C12orf75: variants seen among roughly 807,000 people sequenced by gnomAD.
C12orf75 encodes overexpressed in colon carcinoma 1 protein.
A neutral mutation model predicts 11.4 loss-of-function variants in C12orf75; 4 were observed. The ratio of observed to expected loss-of-function variants is 0.35; its 90% CI spans 0.17 to 0.80. C12orf75 has a LOEUF of 0.80. Among genes scored for constraint, C12orf75 ranks in the 30% least tolerant of loss-of-function variants. The probability of loss-of-function intolerance (pLI) is 0.52; values close to 1 mark genes in which losing one functional copy is unlikely to be tolerated. For missense variants in C12orf75, 89 were observed against 80.4 expected (o/e 1.11, Z -0.41); for synonymous variants, 30 against 30.0 (o/e 1.00, Z 0.00).
intron 2 of C12orf75, among the ~76,000 whole-genome samples, chr12:105,352,099 G>GAAGGA (rs1431702254): frequency 6.6e-6 from 1 of 152,188 alleles, no homozygotes; most frequent in Non-Finnish European, 1.5e-5. Flanking sequence ...ACTGAACGGG[G>GAAGGA]AAGGAAAGGA....
intron 1 of C12orf75, 57 bp downstream of exon 1, chr12:105,330,994 G>A: frequency 9.3e-7 from 1 of 1,073,948 alleles, no homozygotes; most frequent in Non-Finnish European, 1.2e-6. Context: ...CGGCGGGAAG[G>A]AAGGGTGCAG....
chr12:105,347,639 G>T (rs972693462), intron 1 of C12orf75, among the ~76,000 whole-genome samples: 28 of 152,356 alleles, frequency 1.8e-4, no homozygotes, highest in African/African-American at 6.5e-4. Context: ...GGCCCACCCA[G>T]ATTAAGTGTG....
chr12:105,355,420 G>A (rs937277301), intron 2 of C12orf75, among the ~76,000 whole-genome samples: 13 of 152,112 alleles, frequency 8.5e-5, no homozygotes, highest in Non-Finnish European at 1.8e-4. Flanking sequence ...CGCCCGCCTT[G>A]GCCTCCCAAA....
chr12:105,371,132 C>T lies in C12orf75; in HGVS notation c.*532C>T, dbSNP rs1871614149. 1 of 154,062 alleles carries T rather than the reference C, an allele frequency of 6.5e-6. No individual in the cohort carries two copies. The highest frequency in any genetic ancestry group is 1.4e-5 in the Non-Finnish European group (1 of 69,150). 9.5% of individuals were successfully genotyped at this position (154,062 alleles called of 1,614,324 possible). ...AAAATTGGTAAATGGATTCTTACAA[C>T]TATCTCTTTCCATTTCTTACTATTT... On this transcript the variant is annotated 3_prime_UTR_variant, in exon 6 of 6. Coordinates refer to ENST00000443585, the MANE Select transcript of C12orf75 (RefSeq NM_001145199.2).
At chr12:105,340,672 C>G (rs912355243) in intron 1 of C12orf75, among the ~76,000 whole-genome samples, 1 of 152,098 alleles carries the variant, frequency 6.6e-6, no homozygotes, top group Non-Finnish European at 1.5e-5. Context: ...TCCATGTTCT[C>G]TTTTCTGCAG....
intron 1 of C12orf75, among the ~76,000 whole-genome samples, chr12:105,331,360 G>A (rs1892420289): frequency 6.6e-6 from 1 of 151,984 alleles, no homozygotes; most frequent in African/African-American, 2.4e-5. Flanking sequence ...GTGCAGCAGA[G>A]CAAGACAGGA....
intron 1 of C12orf75, among the ~76,000 whole-genome samples, 176 bp from the exon 2 acceptor site, chr12:105,348,418 CAAAAAAAA>C (rs35593271): frequency 3.0e-4 from 35 of 116,112 alleles, no homozygotes; most frequent in African/African-American, 9.8e-4. Flanking sequence ...GTATCTGAAA[CAAAAAAAA>C]AAAAAAAAAA....
intron 1 of C12orf75, among the ~76,000 whole-genome samples, chr12:105,339,200 G>C (rs1166485301): frequency 1.3e-5 from 2 of 151,612 alleles, no homozygotes; most frequent in African/African-American, 2.4e-5. Flanking sequence ...ATAGCAAGCT[G>C]TCAAAATTAA....
chr12:105,369,107 C>T (rs941754372), intron 5 of C12orf75, among the ~76,000 whole-genome samples: 5 of 152,228 alleles, frequency 3.3e-5, no homozygotes. Context: ...GTGCTGTCTA[C>T]ATAGCTATCA....
intron 1 of C12orf75, among the ~76,000 whole-genome samples, chr12:105,342,479 A>C (rs1266905382): frequency 1.3e-5 from 2 of 152,182 alleles, no homozygotes; most frequent in Admixed American, 6.5e-5. Context: ...TAAGAAATAC[A>C]TTTTATTTTC....
At position 105,336,617 on chromosome 12, in the gene C12orf75, G is replaced by A. The variant is rs550995068; in HGVS notation, c.46+5680G>A. On this transcript the variant is annotated intron_variant, in intron 1 of 5. Transcript: ENST00000443585. ...CTGTCTGCGCTCAGAGAAGTGCTGA[G>A]GGCCTGGATCATGGCTGTGGGCCCT... 2.0e-5 allele frequency among the ~76,000 whole-genome samples: 3 copies of A among 152,336 alleles called. No individual in the cohort carries two copies. The South Asian group carries it at 6.2e-4, about 32-fold the overall frequency.
intron 1 of C12orf75, among the ~76,000 whole-genome samples, chr12:105,334,752 G>A (rs997361893): frequency 6.6e-6 from 1 of 152,140 alleles, no homozygotes; most frequent in Non-Finnish European, 1.5e-5. Flanking sequence ...TTTTTCCCCC[G>A]AGCATGTCTC....
intron 1 of C12orf75, among the ~76,000 whole-genome samples, chr12:105,331,483 C>A (rs1415529904): frequency 6.6e-6 from 1 of 151,932 alleles, no homozygotes; most frequent in Non-Finnish European, 1.5e-5. Context: ...TGCCGAAGAC[C>A]GGCTGGGCTG....
At chr12:105,362,746 C>T (rs968965689) in intron 2 of C12orf75, among the ~76,000 whole-genome samples, 13 of 151,872 alleles carry the variant, frequency 8.6e-5, no homozygotes, top group Non-Finnish European at 1.5e-4. Context: ...CATGGGCCTA[C>T]AGTGTATGAA....
intron 5 of C12orf75, among the ~76,000 whole-genome samples, chr12:105,368,903 T>C (rs1871556432): frequency 6.6e-6 from 1 of 152,218 alleles, no homozygotes; most frequent in Non-Finnish European, 1.5e-5. Context: ...GGAGAGTTTC[T>C]ATTTCTAGTA....
At chr12:105,347,928 G>T (rs1026924266) in intron 1 of C12orf75, among the ~76,000 whole-genome samples, 8 of 152,174 alleles carry the variant, frequency 5.3e-5, no homozygotes, top group Non-Finnish European at 1.0e-4. Flanking sequence ...AACTTAAAAG[G>T]TGTATGGCTT....
At chr12:105,336,112 A>T (rs1157170078) in intron 1 of C12orf75, among the ~76,000 whole-genome samples, 2 of 152,248 alleles carry the variant, frequency 1.3e-5, no homozygotes, top group African/African-American at 2.4e-5. Context: ...GGTCATTTTT[A>T]GTGCTGTAGG....
intron 1 of C12orf75, among the ~76,000 whole-genome samples, chr12:105,344,482 T>C (rs1688048920): frequency 6.6e-6 from 1 of 152,118 alleles, no homozygotes; most frequent in Admixed American, 6.5e-5. Context: ...GTGGCTCACA[T>C]CTGTAATCCC....
At chr12:105,360,497 A>G (rs779412736) in intron 2 of C12orf75, among the ~76,000 whole-genome samples, 8 of 152,166 alleles carry the variant, frequency 5.3e-5, no homozygotes, top group Admixed American at 1.3e-4. Flanking sequence ...ATAGAAATCT[A>G]TGTGTGCCTA....
Sources: allele counts gnomAD v4.1 joint callset (sites outside exome capture counted in the v4.1 genomes callset), GRCh38; gene constraint gnomAD v4.1.1; transcripts MANE v1.5; gene names NCBI Gene and HGNC (gene_info 2026-07-23, HGNC 2026-07-21).